STK3: variants seen among roughly 807,000 people sequenced by gnomAD.
STK3 encodes serine/threonine-protein kinase 3.
In STK3, 41 loss-of-function variants were observed where a neutral mutation model predicts 58.0. The observed-to-expected ratio is 0.71, with a 90% confidence interval of 0.55 to 0.92. The LOEUF is 0.92. Among genes scored for constraint, STK3 ranks in the 40% least tolerant of loss-of-function variants. STK3 has a pLI of 0.00. For missense variants in STK3, 479 were observed against 602.7 expected, an observed-to-expected ratio of 0.79 and a Z score of 2.15; for synonymous variants, 170 against 191.0, an observed-to-expected ratio of 0.89 and a Z score of 0.91.
chr8:98,696,772 A>G (rs898092073), intron 6 of STK3, among the ~76,000 whole-genome samples: 3 of 152,138 alleles, frequency 2.0e-5, no homozygotes, highest in African/African-American at 7.2e-5. Flanking sequence ...TATTTTATTG[A>G]GGATTTTTGC....
intron 1 of STK3, among the ~76,000 whole-genome samples, chr8:98,447,944 AAAACTT>A (rs1819027323): frequency 2.9e-5 from 3 of 103,072 alleles, no homozygotes; most frequent in African/African-American, 1.1e-4. Flanking sequence ...CATGTACCCT[AAAACTT>A]AAAGTATAAT....
intron 2 of STK3, among the ~76,000 whole-genome samples, chr8:98,372,127 G>A (rs1337354744): frequency 2.0e-5 from 3 of 152,130 alleles, no homozygotes; most frequent in Non-Finnish European, 4.4e-5. Context: ...GAATATGAAG[G>A]ATTGCCAGCT....
intron 6 of STK3, among the ~76,000 whole-genome samples, chr8:98,689,539 G>A (rs1833879074): frequency 6.6e-6 from 1 of 152,140 alleles, no homozygotes; most frequent in Non-Finnish European, 1.5e-5. Flanking sequence ...CCAGCACTTG[G>A]GGAGGCTGAG....
intron 4 of STK3, among the ~76,000 whole-genome samples, chr8:98,728,214 C>G (rs1827923156): frequency 6.6e-6 from 1 of 152,078 alleles, no homozygotes; most frequent in Non-Finnish European, 1.5e-5. Flanking sequence ...TCATTCCACC[C>G]CCCTAAAGAA....
intron 1 of STK3, among the ~76,000 whole-genome samples, chr8:98,810,597 G>A (rs1023199372): frequency 6.7e-6 from 1 of 150,258 alleles, no homozygotes; most frequent in African/African-American, 2.5e-5. Context: ...TAAGTTCCTT[G>A]CCCACTTTTT....
intron 7 of STK3, among the ~76,000 whole-genome samples, chr8:98,589,245 T>G (rs1330284544): frequency 6.6e-6 from 1 of 152,230 alleles, no homozygotes; most frequent in African/African-American, 2.4e-5. Flanking sequence ...ACTTTTGGTC[T>G]TTGATGATGG....
chr8:98,602,720 A>G (rs62535382), intron 6 of STK3, among the ~76,000 whole-genome samples: 36,657 of 152,072 alleles, frequency 0.24, 5,083 homozygotes, highest in East Asian at 0.46. Flanking sequence ...AAGTACAGTA[A>G]GAATTTTAAA....
chr8:98,389,392 C>T (rs1050298677), upstream of STK3, among the ~76,000 whole-genome samples: 4 of 152,196 alleles, frequency 2.6e-5, no homozygotes, highest in Non-Finnish European at 4.4e-5. Context: ...ATTCTCCCCT[C>T]CACCAGAAGT....
At chr8:98,471,619 A>G (rs1241184641) in intron 10 of STK3, among the ~76,000 whole-genome samples, 1 of 152,168 alleles carries the variant, frequency 6.6e-6, no homozygotes, top group East Asian at 1.9e-4. Context: ...AAGAGTGGCT[A>G]TACGACTACT....
At chr8:98,759,362 C>A (rs539307678) in intron 3 of STK3, among the ~76,000 whole-genome samples, 1 of 151,060 alleles carries the variant, frequency 6.6e-6, no homozygotes, top group Admixed American at 6.7e-5. Flanking sequence ...ATGGGGCCCA[C>A]GGCCTAGCAG....
intron 6 of STK3, among the ~76,000 whole-genome samples, chr8:98,699,675 C>T (rs1380584288): frequency 3.3e-5 from 5 of 152,152 alleles, no homozygotes; most frequent in East Asian, 1.9e-4. Context: ...TGCAGAACAG[C>T]GGATTTTCAT....
chr8:98,798,416 T>C (rs373193991), intron 1 of STK3, among the ~76,000 whole-genome samples: 189 of 152,352 alleles, frequency 1.2e-3, no homozygotes, highest in African/African-American at 4.3e-3. Flanking sequence ...CACCTCAGAA[T>C]ATCATCATAA....
At chr8:98,732,474 A>G (rs1003534297) in intron 4 of STK3, among the ~76,000 whole-genome samples, 3 of 152,200 alleles carry the variant, frequency 2.0e-5, no homozygotes, top group African/African-American at 7.2e-5. Context: ...CTGAGAGAAA[A>G]TTATTTTCAC....
At position 98,455,563 on chromosome 8, in the gene STK3, A is replaced by G; in HGVS notation, c.*279T>C. The G allele has an allele frequency of 2.4e-6, 1 of 419,840 alleles. No homozygotes were observed. The highest frequency in any genetic ancestry group is 4.8e-5 in the East Asian group (1 of 21,016). 26.0% of individuals were successfully genotyped at this position (419,840 alleles called of 1,614,324 possible). On this transcript the variant is annotated 3_prime_UTR_variant, in exon 11 of 11. Coordinates refer to ENST00000419617, the MANE Select transcript of STK3 (RefSeq NM_006281.4). Reference sequence around the variant, plus strand: ...AGCTTTGGATTTTCAAGGTTTAGAGACCTTGAAAATCCATTTCATAACAGT... The same window carrying G: ...AGCTTTGGATTTTCAAGGTTTAGAGGCCTTGAAAATCCATTTCATAACAGT...
intron 6 of STK3, among the ~76,000 whole-genome samples, chr8:98,618,109 T>A (rs1817920406): frequency 6.6e-6 from 1 of 151,646 alleles, no homozygotes; most frequent in Non-Finnish European, 1.5e-5. Context: ...AAAAAGCTTA[T>A]CCACCATGAT....
chr8:98,738,732 G>A (rs1828862609), intron 4 of STK3, among the ~76,000 whole-genome samples: 1 of 152,216 alleles, frequency 6.6e-6, no homozygotes, highest in African/African-American at 2.4e-5. Context: ...GTGCCAGACA[G>A]TGGGCGCAGG....
chr8:98,502,884 C>A (rs1823730676), intron 10 of STK3, among the ~76,000 whole-genome samples: 1 of 152,084 alleles, frequency 6.6e-6, no homozygotes, highest in South Asian at 2.1e-4. Context: ...TGTGTCTCTG[C>A]CAGGCTTTGG....
intron 6 of STK3, among the ~76,000 whole-genome samples, chr8:98,643,977 T>C (rs1347937925): frequency 6.6e-6 from 1 of 152,076 alleles, no homozygotes; most frequent in African/African-American, 2.4e-5. Context: ...ATCACACCAC[T>C]GCACTCCAGC....
chr8:98,769,647 T>C (rs1441209317), intron 2 of STK3, among the ~76,000 whole-genome samples: 1 of 152,264 alleles, frequency 6.6e-6, no homozygotes, highest in African/African-American at 2.4e-5. Context: ...AGTATACTGA[T>C]GGTCTATGGC....
Sources: allele counts gnomAD v4.1 joint callset (sites outside exome capture counted in the v4.1 genomes callset), GRCh38; gene constraint gnomAD v4.1.1; transcripts MANE v1.5; gene names NCBI Gene and HGNC (gene_info 2026-07-23, HGNC 2026-07-21).